ZNF609: variants seen among roughly 807,000 people sequenced by gnomAD.
The protein encoded by ZNF609 is zinc finger protein 609.
Under a neutral mutation model 109.5 loss-of-function variants are expected in ZNF609, and 11 were observed. The ratio of observed to expected loss-of-function variants is 0.10; its 90% CI spans 0.06 to 0.17. The LOEUF is 0.17. Ranked by LOEUF, ZNF609 falls within the 10% of genes least tolerant of loss-of-function variation. ZNF609 has a pLI of 1.00. For missense variants in ZNF609, 1,559 were observed against 1,772.4 expected (o/e 0.88, Z 2.16); for synonymous variants, 646 against 662.0 (o/e 0.98, Z 0.37).
intron 3 of ZNF609, among the ~76,000 whole-genome samples, chr15:64,667,237 C>T (rs1009418292): frequency 1.3e-5 from 2 of 152,218 alleles, no homozygotes; most frequent in African/African-American, 4.8e-5. Context: ...TTTCTAACTC[C>T]ATGTCCAGTG....
At position 64,670,895 on chromosome 15, in the gene ZNF609, AAG is replaced by A. The variant is rs1555425980; in HGVS notation, c.1061+464_1061+465del. Among the ~76,000 whole-genome samples the A allele has an allele frequency of 3.6e-4, 54 of 149,464 alleles. No individual in the cohort carries two copies. The East Asian group carries it at 7.5e-3, about 21-fold the overall frequency. ...ACTCCATCTCAAAAAAAAAAAAAAAAAGAAGATGAATTGTGTATTAAAGTGTT... is the reference window on the plus strand; with the variant it reads ...ACTCCATCTCAAAAAAAAAAAAAAAAAAGATGAATTGTGTATTAAAGTGTT... On this transcript the variant is annotated intron_variant, in intron 4 of 9. Transcript: ENST00000326648.
intron 3 of ZNF609, among the ~76,000 whole-genome samples, chr15:64,653,851 A>T (rs558427415): frequency 9.9e-5 from 15 of 152,210 alleles, no homozygotes; most frequent in African/African-American, 3.6e-4. Context: ...ACTCTCCTAG[A>T]CTGGGAGCCA....
intron 2 of ZNF609, among the ~76,000 whole-genome samples, chr15:64,532,187 ATC>A (rs1173765976): frequency 1.3e-5 from 2 of 151,978 alleles, no homozygotes; most frequent in Non-Finnish European, 2.9e-5. Flanking sequence ...CAACTCCCTC[ATC>A]TCTCTCAAGT....
chr15:64,508,326 A>G (rs1372413946), intron 2 of ZNF609, among the ~76,000 whole-genome samples: 6 of 152,222 alleles, frequency 3.9e-5, no homozygotes, highest in African/African-American at 1.4e-4. Flanking sequence ...AGCAGTAAGA[A>G]GTTCTTAGCA....
intron 2 of ZNF609, among the ~76,000 whole-genome samples, chr15:64,606,191 G>A (rs180948196): frequency 6.6e-6 from 1 of 151,676 alleles, no homozygotes; most frequent in Non-Finnish European, 1.5e-5. Flanking sequence ...ATGGCTCACT[G>A]CAGCCTCAAC....
intron 2 of ZNF609, among the ~76,000 whole-genome samples, chr15:64,540,530 A>C (rs1460761758): frequency 6.6e-6 from 1 of 151,714 alleles, no homozygotes; most frequent in Non-Finnish European, 1.5e-5. Flanking sequence ...TTAGCCTCCC[A>C]AGTAGCTGGG....
At chr15:64,618,487 C>T (rs1895833200) in intron 2 of ZNF609, among the ~76,000 whole-genome samples, 1 of 152,142 alleles carries the variant, frequency 6.6e-6, no homozygotes, top group Non-Finnish European at 1.5e-5. Flanking sequence ...TGCCTTATCA[C>T]AAGAACAGAG....
rs562273020 is a variant in ZNF609 at position 64,487,047 on chromosome 15, G to A, written c.-127-12246G>A. Among the ~76,000 whole-genome samples, 6 of 152,136 alleles carry A rather than the reference G, an allele frequency of 3.9e-5. No individual in the cohort carries two copies. In the South Asian group the frequency reaches 6.2e-4, roughly 16 times the overall value. ...AGTAAATAATGTTTATTATTGAGCC[G>A]TTTGATATACTACTATTACATTTTT... On this transcript the variant is annotated intron_variant, in intron 1 of 9. Transcript: ENST00000326648.
At chr15:64,565,750 T>C (rs1371148198) in intron 2 of ZNF609, among the ~76,000 whole-genome samples, 1 of 152,236 alleles carries the variant, frequency 6.6e-6, no homozygotes, top group African/African-American at 2.4e-5. Flanking sequence ...AAATTCACCA[T>C]AGTTTTGACT....
At position 64,676,091 on chromosome 15, in the gene ZNF609, C is replaced by G; in HGVS notation, c.3237C>G (p.Ile1079Met). 6.2e-7 allele frequency: 1 copy of G among 1,614,242 alleles called. No homozygotes were observed. Among genetic ancestry groups the G allele is most frequent in the Non-Finnish European group, 8.5e-7 (1 of 1,180,050 alleles). Residue 1079 changes from isoleucine (I) to methionine (M), a missense_variant, in exon 5 of 10, where the codon ATC becomes ATG. Around this residue, in one of 4 missense-constraint regions of ZNF609, gnomAD observed 1,204 missense variants for 1,314.1 expected, o/e 0.92. Transcript: ENST00000326648. ...EPGADPAKSV[I>M]IPKLDDSSKL... Reference sequence around the variant, plus strand: ...GGGCTGACCCAGCCAAATCAGTCATCATTCCCAAGTTAGATGACTCTTCAA... The same window carrying G: ...GGGCTGACCCAGCCAAATCAGTCATGATTCCCAAGTTAGATGACTCTTCAA...
rs377348179 is a variant in ZNF609, at chr15:64,540,651, G to A, written c.747+40485G>A. 4.3e-4 allele frequency among the ~76,000 whole-genome samples: 65 copies of A among 150,980 alleles called. 1 individual carries two copies. The East Asian group carries it at 8.9e-3, about 21-fold the overall frequency. On this transcript the variant is annotated intron_variant, in intron 2 of 9. Coordinates refer to ENST00000326648, the MANE Select transcript of ZNF609 (RefSeq NM_015042.2). The stretch of plus-strand genomic sequence containing the variant: ...GAACCCTTTACCTCGTGATCCGCAC[G>A]CCTCGGCCTGCCAAAGTGCTGGGAT...
At chr15:64,527,950 T>C (rs1428019125) in intron 2 of ZNF609, among the ~76,000 whole-genome samples, 1 of 152,234 alleles carries the variant, frequency 6.6e-6, no homozygotes, top group Non-Finnish European at 1.5e-5. Context: ...AACTTAAATA[T>C]CACTTTCTCT....
chr15:64,667,181 C>T (rs1896660865), intron 3 of ZNF609, among the ~76,000 whole-genome samples: 1 of 152,114 alleles, frequency 6.6e-6, no homozygotes, highest in Non-Finnish European at 1.5e-5. Context: ...AGCCAAGTGA[C>T]TTGTTCAAGG....
At chr15:64,469,075 C>T in intron 1 of ZNF609, among the ~76,000 whole-genome samples, 1 of 132,270 alleles carries the variant, frequency 7.6e-6, no homozygotes, top group East Asian at 2.4e-4. Context: ...TTCAGCCTGG[C>T]CAACATGGTG....
At chr15:64,614,717 C>T (rs1167119701) in intron 2 of ZNF609, among the ~76,000 whole-genome samples, 3 of 151,632 alleles carry the variant, frequency 2.0e-5, no homozygotes, top group Non-Finnish European at 4.4e-5. Context: ...ATCCCTCTGC[C>T]CTGTATACCT....
At chr15:64,564,195 C>T (rs2733382) in intron 2 of ZNF609, among the ~76,000 whole-genome samples, 112,461 of 151,382 alleles carry the variant, frequency 0.74, 45,290 homozygotes, top group East Asian at 0.96. Context: ...CACTTCGTAG[C>T]TGTGTTGGTT....
intron 2 of ZNF609, among the ~76,000 whole-genome samples, chr15:64,551,325 T>C (rs1044636918): frequency 6.6e-6 from 1 of 152,212 alleles, no homozygotes; most frequent in South Asian, 2.1e-4. Context: ...AGGGTACTTA[T>C]ACCTTAATTC....
At chr15:64,594,079 T>C (rs1325161458) in intron 2 of ZNF609, among the ~76,000 whole-genome samples, 1 of 152,108 alleles carries the variant, frequency 6.6e-6, no homozygotes, top group African/African-American at 2.4e-5. Context: ...TAAAGAAATA[T>C]TCCATCAGCA....
In ZNF609 at chr15:64,641,219, C is replaced by CTTTTTT. The variant is rs34007985; in HGVS notation, c.973+18177_973+18182dup. On this transcript the variant is annotated intron_variant, in intron 3 of 9. Coordinates refer to ENST00000326648, the MANE Select transcript of ZNF609 (RefSeq NM_015042.2). Reference sequence around the variant, plus strand: ...TGGGTGTTAGTTACACTTGTGCTTTCTTTTTTTTTTTTTTTGAGATGGAGT... The same window carrying CTTTTTT: ...TGGGTGTTAGTTACACTTGTGCTTTCTTTTTTTTTTTTTTTTTTTTTGAGATGGAGT... Among the ~76,000 whole-genome samples, 3 of 69,738 alleles carry CTTTTTT rather than the reference C, an allele frequency of 4.3e-5. 1 individual carries two copies. The highest frequency in any genetic ancestry group is 7.9e-5 in the Non-Finnish European group (3 of 38,138). 45.8% of individuals were successfully genotyped at this position (69,738 alleles called of 152,430 possible).
Sources: gnomAD v4.1 joint callset for allele counts (sites outside exome capture counted in the v4.1 genomes callset) on GRCh38, gnomAD v4.1.1 for gene constraint, gnomAD v4.1.1 regional missense constraint, MANE v1.5 for transcripts, NCBI Gene and HGNC (gene_info 2026-07-23, HGNC 2026-07-21) for gene names.